TEKT5: variants seen among roughly 807,000 people sequenced by gnomAD.
TEKT5 encodes tektin 5, also known as tektin-5.
A neutral mutation model predicts 48.7 loss-of-function variants in TEKT5; 52 were observed. The observed-to-expected ratio is 1.07, with a 90% CI of 0.86 to 1.35. TEKT5 has a LOEUF of 1.35. TEKT5 is among the 40% of genes most tolerant of loss of function. The pLI, the probability that TEKT5 is intolerant of heterozygous loss-of-function variation, is 0.00. For missense variants in TEKT5, 831 were observed against 641.6 expected (o/e 1.30, Z -3.19); for synonymous variants, 318 against 267.6 (o/e 1.19, Z -1.84).
chr16:10,691,801 A>T (rs1024486217), intron 1 of TEKT5, among the ~76,000 whole-genome samples: 1 of 152,086 alleles, frequency 6.6e-6, no homozygotes, highest in Non-Finnish European at 1.5e-5. Flanking sequence ...ACAAAAGATT[A>T]GCGGGGCATA....
rs373061482 is a variant in TEKT5 at position 10,652,953 on chromosome 16, A to G, written c.1087-17035T>C. Among the ~76,000 whole-genome samples, 5 of 130,656 alleles carry G rather than the reference A, an allele frequency of 3.8e-5. No individual in the cohort carries two copies. In the South Asian group the frequency reaches 1.3e-3, roughly 33 times the overall value. 85.7% of individuals were successfully genotyped at this position (130,656 alleles called of 152,430 possible). A position where few individuals can be genotyped will look rare whatever the true frequency, so the allele number is the denominator to read the frequency against. ...CCTCCCTCTCCAGGTCAGGTAGAAC[A>G]ATCTCTTATATACACAGGCAGAGAC... is the stretch of plus-strand genomic sequence containing the variant. On this transcript the variant is annotated intron_variant, in intron 5 of 6. Coordinates refer to ENST00000283025, the MANE Select transcript of TEKT5 (RefSeq NM_144674.2).
intron 3 of TEKT5, among the ~76,000 whole-genome samples, chr16:10,687,551 C>CTG (rs1567236650): frequency 6.6e-6 from 1 of 151,628 alleles, no homozygotes; most frequent in Non-Finnish European, 1.5e-5. Context: ...TCAGGAGTTC[C>CTG]AGACCAGCCT....
chr16:10,651,068 T>C (rs1463954784), intron 5 of TEKT5, among the ~76,000 whole-genome samples: 1 of 152,090 alleles, frequency 6.6e-6, no homozygotes, highest in East Asian at 1.9e-4. Flanking sequence ...TGAAGCTTCA[T>C]GCTGAGGAGG....
intron 5 of TEKT5, among the ~76,000 whole-genome samples, chr16:10,658,924 G>A (rs922332975): frequency 1.3e-5 from 2 of 152,054 alleles, no homozygotes; most frequent in Non-Finnish European, 2.9e-5. Context: ...CACCATGTTG[G>A]TCAGGCTGGT....
chr16:10,643,868 G>A (rs746876923), intron 5 of TEKT5, among the ~76,000 whole-genome samples: 2 of 151,942 alleles, frequency 1.3e-5, no homozygotes, highest in African/African-American at 4.8e-5. Context: ...TGAGACCCCC[G>A]TCTCTACTAA....
chr16:10,632,963 C>T (rs1567223605), intron 6 of TEKT5, among the ~76,000 whole-genome samples: 1 of 151,948 alleles, frequency 6.6e-6, no homozygotes, highest in Non-Finnish European at 1.5e-5. Flanking sequence ...TTCTGTCTGT[C>T]CTCCTCAGTG....
At chr16:10,642,124 A>G (rs1898002970) in intron 5 of TEKT5, among the ~76,000 whole-genome samples, 1 of 152,220 alleles carries the variant, frequency 6.6e-6, no homozygotes, top group Non-Finnish European at 1.5e-5. Context: ...GTATGAGTAC[A>G]TGACACATGT....
chr16:10,693,188 T>G (rs1182522908), intron 1 of TEKT5, among the ~76,000 whole-genome samples: 1 of 152,214 alleles, frequency 6.6e-6, no homozygotes, highest in Non-Finnish European at 1.5e-5. Context: ...CTCCGCCTCC[T>G]GGGTTCAAGA....
intron 5 of TEKT5, among the ~76,000 whole-genome samples, chr16:10,672,852 T>G (rs1047225207): frequency 6.6e-6 from 1 of 151,280 alleles, no homozygotes; most frequent in African/African-American, 2.4e-5. Context: ...GTTTTTGTTT[T>G]TTTTTGTTTT....
intron 5 of TEKT5, among the ~76,000 whole-genome samples, chr16:10,641,125 T>G (rs1342747128): frequency 6.6e-6 from 1 of 152,212 alleles, no homozygotes; most frequent in South Asian, 2.1e-4. Flanking sequence ...CCCACCTTCG[T>G]CAACACTTAG....
At chr16:10,663,817 G>A (rs1044415866) in intron 5 of TEKT5, among the ~76,000 whole-genome samples, 2 of 152,196 alleles carry the variant, frequency 1.3e-5, no homozygotes, top group Non-Finnish European at 2.9e-5. Context: ...AAATGCCAGT[G>A]GGGTGCAAAT....
intron 5 of TEKT5, among the ~76,000 whole-genome samples, chr16:10,670,877 A>G (rs1898538472): frequency 6.6e-6 from 1 of 151,468 alleles, no homozygotes; most frequent in Non-Finnish European, 1.5e-5. Flanking sequence ...TTATTTATTT[A>G]TGTATTTATT....
chr16:10,658,262 C>T (rs544330749), intron 5 of TEKT5, among the ~76,000 whole-genome samples: 1 of 152,124 alleles, frequency 6.6e-6, no homozygotes, highest in South Asian at 2.1e-4. Flanking sequence ...GATTCCGTTC[C>T]TGGGAACGCC....
rs767939919 is a variant in TEKT5 at position 10,675,972 on chromosome 16, G to C, written c.1073C>G (p.Thr358Arg). The C allele has an allele frequency of 1.2e-6, 2 of 1,614,082 alleles. No individual in the cohort carries two copies. The highest frequency in any genetic ancestry group is 1.7e-5 in the Admixed American group (1 of 60,022). The change falls in exon 5 of 7, where the codon ACG becomes AGG. Residue 358 changes from threonine to arginine, a missense_variant. Physicochemically the swap from Thr to Arg is moderately conservative, Grantham distance 71. Transcript: ENST00000283025. ...EVTDVKNKLQTQLAKTLQEIF... is the reference protein window; with the variant it reads ...EVTDVKNKLQRQLAKTLQEIF... The stretch of plus-strand genomic sequence containing the variant: ...GGATCTGCTCACCTTCGCCAGCTGC[G>C]TCTGCAGCTTATTCTTCACATCCGT...
chr16:10,694,116 T>C (rs2541489), intron 1 of TEKT5, among the ~76,000 whole-genome samples, 194 bp downstream of exon 1: 49,107 of 152,102 alleles, frequency 0.32, 8,664 homozygotes, highest in African/African-American at 0.46. Context: ...GGAAATTCTA[T>C]TCAGTCCAAG....
chr16:10,654,258 C>T lies in TEKT5; in HGVS notation c.1087-18340G>A, dbSNP rs188788346. 3.5e-4 allele frequency among the ~76,000 whole-genome samples: 54 copies of T among 152,210 alleles called. 1 individual carries two copies. The highest frequency in any genetic ancestry group is 2.5e-3 in the Admixed American group (38 of 15,278). On this transcript the variant is annotated intron_variant, in intron 5 of 6. Transcript: ENST00000283025. ...CAGAGATGAGGTTTTCCCGCGTTGG[C>T]CAGGCTGATCTCAAACTCCTGGGCT...
intron 5 of TEKT5, among the ~76,000 whole-genome samples, chr16:10,674,094 T>C (rs1290954294): frequency 6.6e-6 from 1 of 152,130 alleles, no homozygotes; most frequent in Non-Finnish European, 1.5e-5. Context: ...ATCCAAACCC[T>C]TCACCAGGCC....
At chr16:10,635,725 C>T (rs1245026216) in intron 6 of TEKT5, 39 bp downstream of exon 6, 1 of 1,593,240 alleles carries the variant, frequency 6.3e-7, no homozygotes, top group East Asian at 2.3e-5. Flanking sequence ...TCCTGGATTC[C>T]CAGGGGTTCT....
chr16:10,639,026 T>C (rs74007182), intron 5 of TEKT5, among the ~76,000 whole-genome samples: 3,389 of 152,142 alleles, frequency 0.022, 130 homozygotes, highest in African/African-American at 0.078. Flanking sequence ...TACTCAAGTT[T>C]GGGTGCAGTG....
Sources: gnomAD v4.1 joint callset for allele counts (sites outside exome capture counted in the v4.1 genomes callset) on GRCh38, gnomAD v4.1.1 for gene constraint, MANE v1.5 for transcripts, NCBI Gene and HGNC (gene_info 2026-07-23, HGNC 2026-07-21) for gene names.